The following ARHGAP11A variants were observed in gnomAD, a reference collection of about 807,000 sequenced individuals.
The protein encoded by ARHGAP11A is Rho GTPase activating protein 11A, also known as rho GTPase-activating protein 11A.
A neutral mutation model predicts 60.5 loss-of-function variants in ARHGAP11A; 36 were observed. That is an observed-to-expected ratio of 0.59 (90% CI 0.46 to 0.79). The LOEUF (loss-of-function observed/expected upper bound fraction) is 0.79. Among genes scored for constraint, ARHGAP11A ranks in the 30% least tolerant of loss-of-function variants. The pLI is 0.00. For missense variants in ARHGAP11A, 1,071 were observed against 1,199.2 expected, an observed-to-expected ratio of 0.89 and a Z score of 1.58; for synonymous variants, 362 against 415.5, an observed-to-expected ratio of 0.87 and a Z score of 1.57.
chr15:32,632,865 G>A (rs964524442), intron 8 of ARHGAP11A, 114 bp from the exon 9 acceptor site: 29 of 960,966 alleles, frequency 3.0e-5, no homozygotes, highest in African/African-American at 3.0e-4. Flanking sequence ...AAGTGATTTC[G>A]GTTGTTGCTT....
chr15:32,637,155 A>G lies in ARHGAP11A; in HGVS notation c.2382A>G (p.Thr794=), dbSNP rs1039404131. 6.2e-7 allele frequency: 1 copy of G among 1,614,178 alleles called. No individual in the cohort carries two copies. The change falls in exon 12 of 12, where the codon ACA becomes ACG. Residue 794 remains threonine (T), a synonymous_variant. Coordinates refer to ENST00000361627, the MANE Select transcript of ARHGAP11A (RefSeq NM_014783.6). ...KQQSLETCEK[T]VSESSQMTEH... ...AGTCATTGGAAACATGTGAGAAAAC[A>G]GTTTCTGAAAGTTCACAAATGACAG...
rs554470819 is a variant in ARHGAP11A at position 32,633,786 on chromosome 15, T to C, written c.1236-147T>C. Reference sequence around the variant, plus strand: ...ATGCAGTGTGTTCATGTATGGTATCTTAAAGTTGAACTGTTTTTAAAGAAT... The same window carrying C: ...ATGCAGTGTGTTCATGTATGGTATCCTAAAGTTGAACTGTTTTTAAAGAAT... On this transcript the variant is annotated intron_variant, in intron 9 of 11. Coordinates refer to ENST00000361627, the MANE Select transcript of ARHGAP11A (RefSeq NM_014783.6). 2.6e-5 allele frequency: 15 copies of C among 582,916 alleles called. 1 individual carries two copies. In the East Asian group the frequency reaches 4.4e-4, roughly 17 times the overall value. The allele number at this position is 582,916 out of a possible 1,614,324, so 36.1% of individuals were successfully genotyped here.
intron 2 of ARHGAP11A, among the ~76,000 whole-genome samples, chr15:32,621,390 A>G (rs1167096105): frequency 1.3e-5 from 2 of 151,910 alleles, no homozygotes; most frequent in Non-Finnish European, 2.9e-5. Flanking sequence ...GGGTTTCACC[A>G]TGTTGGCCAG....
In ARHGAP11A at chr15:32,616,210, G is replaced by T. The variant is rs372331657; in HGVS notation, c.-2G>T. On this transcript the variant is annotated 5_prime_UTR_variant, in exon 1 of 12. Coordinates refer to ENST00000361627, the MANE Select transcript of ARHGAP11A (RefSeq NM_014783.6). ...CCTCAGAGAGTTATCGACGTATCCG[G>T]AATGTGGGATCAGAGGCTGGTGAGG... 5.6e-6 allele frequency: 9 copies of T among 1,614,052 alleles called. No homozygotes were observed. Among genetic ancestry groups the T allele is most frequent in the African/African-American group, 1.3e-5 (1 of 74,926 alleles).
intron 2 of ARHGAP11A, among the ~76,000 whole-genome samples, chr15:32,620,381 G>A (rs1257861605): frequency 6.6e-6 from 1 of 152,178 alleles, no homozygotes; most frequent in African/African-American, 2.4e-5. Flanking sequence ...GGGGCCTGGG[G>A]TGGGAGGATT....
rs764281924 is a variant in ARHGAP11A at position 32,633,031 on chromosome 15, A to G, written c.1158A>G (p.Val386=). The change falls in exon 9 of 12, where the codon GTA becomes GTG. Residue 386 remains valine (V), a synonymous_variant. Coordinates refer to ENST00000361627, the MANE Select transcript of ARHGAP11A (RefSeq NM_014783.6). ...CATCTCAGAGTTCACTCTCTCCTGT[A>G]CTCATTGGTGGAAACCATTTGATCA... ...EGSSQSSLSP[V]LIGGNHLITA... is the part of the protein sequence containing the mutation. 4.7e-5 allele frequency: 76 copies of G among 1,614,112 alleles called. 1 individual carries two copies. The East Asian group carries it at 1.6e-3, about 35-fold the overall frequency.
rs756247831 is a variant in ARHGAP11A, at chr15:32,637,680, TA to T, written c.2908del (p.Ile970Ter). 1 of 1,614,192 alleles carries T rather than the reference TA, an allele frequency of 6.2e-7. No individual in the cohort carries two copies. Among genetic ancestry groups the T allele is most frequent in the South Asian group, 1.1e-5 (1 of 91,088 alleles). On this transcript the variant is annotated frameshift_variant, in exon 12 of 12. Transcript: ENST00000361627. LOFTEE classifies it high-confidence loss of function. ...VPLDDLTNHD[I>X]VKPVVNNNMG... ...CCTTGGATGATCTGACTAATCATGATATAGTAAAACCAGTTGTAAATAACAA... is the reference window on the plus strand; with the variant it reads ...CCTTGGATGATCTGACTAATCATGATTAGTAAAACCAGTTGTAAATAACAA...
At chr15:32,633,369 G>A (rs1236622656) in intron 9 of ARHGAP11A, among the ~76,000 whole-genome samples, 3 of 152,044 alleles carry the variant, frequency 2.0e-5, no homozygotes, top group South Asian at 2.1e-4. Flanking sequence ...GGCTGGGCAC[G>A]GTGGCTTATG....
At chr15:32,628,282 G>T (rs1435702003) in intron 6 of ARHGAP11A, among the ~76,000 whole-genome samples, 1 of 152,174 alleles carries the variant, frequency 6.6e-6, no homozygotes, top group Non-Finnish European at 1.5e-5. Flanking sequence ...GTCAAACTAT[G>T]TTATTTATTT....
rs746096503 is a variant in ARHGAP11A at position 32,639,925 on chromosome 15, TAAAG to T, written c.*2082_*2085del. 2 of 152,124 alleles carry T rather than the reference TAAAG, an allele frequency of 1.3e-5. No homozygotes were observed. The highest frequency in any genetic ancestry group is 2.9e-5 in the Non-Finnish European group (2 of 68,032). The allele number at this position is 152,124 out of a possible 1,614,324, so 9.4% of individuals were successfully genotyped here. A position where few individuals can be genotyped will look rare whatever the true frequency, so the allele number is the denominator to read the frequency against. ...CTTCTCACTGTCTTATAAATGTAAA[TAAAG>T]ATCTAATATTAATTTGGTTATCTAA... is the stretch of plus-strand genomic sequence containing the variant. On this transcript the variant is annotated 3_prime_UTR_variant, in exon 12 of 12. Transcript: ENST00000361627.
intron 2 of ARHGAP11A, among the ~76,000 whole-genome samples, chr15:32,621,765 T>C (rs2053317792): frequency 6.8e-6 from 1 of 147,572 alleles, no homozygotes; most frequent in Non-Finnish European, 1.5e-5. Context: ...GAGCTTGCAG[T>C]GAGCCAAAAT....
chr15:32,625,576 G>A lies in ARHGAP11A; in HGVS notation c.805G>A (p.Glu269Lys), dbSNP rs2053439219. ...TACTCCATCACTGGAAGGCTTTGAA[G>A]AAGGTGAATATGAAACTCCTGGTGA... ...CATPSLEGFE[E>K]GEYETPGEYK... Residue 269 changes from glutamate (E) to lysine (K), a missense_variant, in exon 6 of 12, where the codon GAA becomes AAA. Physicochemically the swap from Glu to Lys is moderately conservative, Grantham distance 56. Around this residue, in one of 4 missense-constraint regions of ARHGAP11A, gnomAD observed 196 missense variants for 272.1 expected, o/e 0.72. Coordinates refer to ENST00000361627, the MANE Select transcript of ARHGAP11A (RefSeq NM_014783.6). 1.2e-6 allele frequency: 2 copies of A among 1,613,948 alleles called. No homozygotes were observed. The highest frequency in any genetic ancestry group is 1.7e-6 in the Non-Finnish European group (2 of 1,179,838).
In ARHGAP11A at chr15:32,639,670, ATG is replaced by A. The variant is rs776980552; in HGVS notation, c.*1828_*1829del. 1 of 152,196 alleles carries A rather than the reference ATG, an allele frequency of 6.6e-6. No individual in the cohort carries two copies. The highest frequency in any genetic ancestry group is 1.5e-5 in the Non-Finnish European group (1 of 68,042). 9.4% of individuals were successfully genotyped at this position (152,196 alleles called of 1,614,324 possible). A position where few individuals can be genotyped will look rare whatever the true frequency, so the allele number is the denominator to read the frequency against. ...ACATGTCTGTTTTAAAAACTACCAC[ATG>A]TGACTCCTATTTTTGTTAGCTGAAA... On this transcript the variant is annotated 3_prime_UTR_variant, in exon 12 of 12. Transcript: ENST00000361627.
intron 7 of ARHGAP11A, 41 bp downstream of exon 7, chr15:32,628,843 T>A: frequency 7.5e-7 from 1 of 1,330,692 alleles, no homozygotes; most frequent in African/African-American, 1.5e-5. Flanking sequence ...TTAAAATTTG[T>A]ATAGTATTCT....
At chr15:32,634,104 A>G in intron 10 of ARHGAP11A, 63 bp downstream of exon 10, 1 of 1,098,210 alleles carries the variant, frequency 9.1e-7, no homozygotes. Flanking sequence ...TGATACTAAA[A>G]AACACTCATA....
chr15:32,620,448 G>T (rs965653081), intron 2 of ARHGAP11A, among the ~76,000 whole-genome samples: 2 of 151,902 alleles, frequency 1.3e-5, no homozygotes, highest in Non-Finnish European at 2.9e-5. Context: ...AAATGAAGAA[G>T]AAGAGAGTAA....
Position 32,633,948 on chromosome 15 carries a change from A to C in ARHGAP11A, c.1251A>C (p.Lys417Asn). The change falls in exon 10 of 12, where the codon AAA becomes AAC. Residue 417 changes from lysine (K) to asparagine (N), a missense_variant. Physicochemically the swap from Lys to Asn is moderately conservative, Grantham distance 94. Around this residue, in one of 4 missense-constraint regions of ARHGAP11A, gnomAD observed 776 missense variants for 760.2 expected, o/e 1.02. Coordinates refer to ENST00000361627, the MANE Select transcript of ARHGAP11A (RefSeq NM_014783.6). ...GKKVCRVESG[K>N]AGCFSPKISH... ...CTTCTTCTAGAGTGGAATCAGGAAA[A>C]GCAGGCTGCTTTTCTCCTAAAATCA... The C allele has an allele frequency of 6.2e-7, 1 of 1,602,254 alleles. No homozygotes were observed. The highest frequency in any genetic ancestry group is 1.1e-5 in the South Asian group (1 of 88,342).
chr15:32,619,765 T>C (rs2053250796), intron 1 of ARHGAP11A, among the ~76,000 whole-genome samples: 1 of 152,126 alleles, frequency 6.6e-6, no homozygotes, highest in Non-Finnish European at 1.5e-5. Context: ...TATTTTGGGG[T>C]AAATGTTAGT....
At chr15:32,629,860 A>G (rs1361253855) in intron 8 of ARHGAP11A, 98 bp downstream of exon 8, 1 of 780,942 alleles carries the variant, frequency 1.3e-6, no homozygotes, top group East Asian at 2.8e-5. Flanking sequence ...ACCCTTAGGA[A>G]CTAGAACTTT....
Sources: allele counts gnomAD v4.1 joint callset (sites outside exome capture counted in the v4.1 genomes callset), GRCh38; gene constraint gnomAD v4.1.1; regional missense constraint gnomAD v4.1.1; transcripts MANE v1.5; gene names NCBI Gene and HGNC (gene_info 2026-07-23, HGNC 2026-07-21).